ZNF875: variants seen among roughly 807,000 people sequenced by gnomAD.
ZNF875 encodes HKR1, GLI-Kruppel zinc finger family member.
ZNF875 carries 14 observed loss-of-function variants against 11.2 expected under a neutral mutation model. The observed-to-expected ratio is 1.26, with a 90% confidence interval of 0.83 to 1.96. ZNF875 has a LOEUF of 1.96. ZNF875 is among the 30% of genes most tolerant of loss of function. The probability of loss-of-function intolerance (pLI) is 0.00; values close to 1 mark genes in which losing one functional copy is unlikely to be tolerated. For missense variants in ZNF875, 752 were observed against 760.4 expected (o/e 0.99, Z 0.13); for synonymous variants, 301 against 281.1 (o/e 1.07, Z -0.71).
At chr19:37,361,846 G>A (rs555465928) in intron 4 of ZNF875, 27 of 378,010 alleles carry the variant, frequency 7.1e-5, no homozygotes, top group African/African-American at 4.6e-4. Flanking sequence ...GAACCCTGGA[G>A]GCGGAGGTTG....
At chr19:37,359,524 C>T (rs755677430) in intron 4 of ZNF875, 4 of 258,782 alleles carry the variant, frequency 1.5e-5, no homozygotes, top group African/African-American at 7.0e-5. Context: ...CTGCCTCAGC[C>T]TCCTGAGTAG....
intron 2 of ZNF875, among the ~76,000 whole-genome samples, chr19:37,336,037 A>G (rs966741999): frequency 5.9e-5 from 9 of 152,206 alleles, no homozygotes; most frequent in Non-Finnish European, 1.2e-4. Context: ...AGCAGTTTAA[A>G]TAAAAGTAAA....
At chr19:37,335,025 C>A (rs1418693201) in intron 1 of ZNF875, 144 bp from the exon 2 acceptor site, 7 of 560,792 alleles carry the variant, frequency 1.2e-5, no homozygotes, top group Non-Finnish European at 1.9e-5. Flanking sequence ...GTCATCCTGG[C>A]CCCCCACTGG....
intron 4 of ZNF875, chr19:37,328,936 C>G (rs1372147949): frequency 6.6e-6 from 1 of 152,158 alleles, no homozygotes. Flanking sequence ...TAGTGTGGTC[C>G]TTGGACCAAT....
chr19:37,357,458 A>G (rs1030069520), intron 4 of ZNF875, among the ~76,000 whole-genome samples: 1 of 152,208 alleles, frequency 6.6e-6, no homozygotes, highest in East Asian at 1.9e-4. Context: ...ATTCTTAACA[A>G]TCTATGAGCA....
At chr19:37,355,008 TATGTTATTATATAA>T (rs2038648413) in intron 4 of ZNF875, among the ~76,000 whole-genome samples, 1 of 152,210 alleles carries the variant, frequency 6.6e-6, no homozygotes, top group Admixed American at 6.5e-5. Context: ...ATATGGCATA[TATGTTATTATATAA>T]ATGGCATCAT....
In ZNF875 at chr19:37,362,742, T is replaced by C; in HGVS notation, c.890T>C (p.Leu297Pro). ...CGRGFTWKSN[L>P]ITHQRTHSGE... Reference sequence around the variant, plus strand: ...CGAGGCTTTACGTGGAAGTCAAACCTGATCACACATCAGAGGACACACTCA... The same window carrying C: ...CGAGGCTTTACGTGGAAGTCAAACCCGATCACACATCAGAGGACACACTCA... The change falls in exon 5 of 5, where the codon CTG (leucine) becomes CCG (proline). Residue 297 changes from leucine to proline, a missense_variant. Physicochemically the swap from Leu to Pro is moderately conservative, Grantham distance 98. Transcript: ENST00000392153. 1.2e-6 allele frequency: 2 copies of C among 1,613,768 alleles called. No individual in the cohort carries two copies. The highest frequency in any genetic ancestry group is 1.7e-6 in the Non-Finnish European group (2 of 1,179,782).
intron 4 of ZNF875, chr19:37,359,428 G>C: frequency 4.4e-6 from 1 of 227,872 alleles, no homozygotes; most frequent in Non-Finnish European, 8.9e-6. Flanking sequence ...TTTTTTAGAT[G>C]GAGCCTTGCT....
chr19:37,345,040 T>C (rs1241612846), intron 2 of ZNF875: 1 of 362,140 alleles, frequency 2.8e-6, no homozygotes, highest in African/African-American at 2.1e-5. Flanking sequence ...CTCCTTCTCA[T>C]GAACTTTTCC....
intron 3 of ZNF875, chr19:37,323,713 A>T (rs2031922861): frequency 6.6e-6 from 1 of 152,156 alleles, no homozygotes; most frequent in Non-Finnish European, 1.5e-5. Context: ...GGCCCCTGAG[A>T]AATCAGGGGA....
At chr19:37,331,262 T>C (rs1335441362), upstream of ZNF875, among the ~76,000 whole-genome samples, 1 of 128,934 alleles carries the variant, frequency 7.8e-6, no homozygotes, top group Middle Eastern at 3.8e-3. Context: ...AGAGTCTCGC[T>C]CTTGTTGCCA....
intron 2 of ZNF875, among the ~76,000 whole-genome samples, chr19:37,335,859 T>G (rs1320985211): frequency 6.6e-6 from 1 of 152,158 alleles, no homozygotes; most frequent in African/African-American, 2.4e-5. Context: ...CACAATCCCT[T>G]TGGTCTTTTC....
rs1301273993 is a variant in ZNF875, at chr19:37,362,743, G to C, written c.891G>C (p.Leu297=). 1 of 1,613,278 alleles carries C rather than the reference G, an allele frequency of 6.2e-7. No homozygotes were observed. The highest frequency in any genetic ancestry group is 1.3e-5 in the African/African-American group (1 of 74,870). Residue 297 remains leucine (L), a synonymous_variant, in exon 5 of 5, where the codon CTG becomes CTC. Transcript: ENST00000392153. ...GAGGCTTTACGTGGAAGTCAAACCT[G>C]ATCACACATCAGAGGACACACTCAG... The part of the protein sequence containing the change: ...CGRGFTWKSN[L]ITHQRTHSGE...
intron 2 of ZNF875, among the ~76,000 whole-genome samples, chr19:37,336,394 G>T (rs1203777870): frequency 6.7e-6 from 1 of 150,036 alleles, no homozygotes; most frequent in African/African-American, 2.4e-5. Context: ...CTGCCTCCCA[G>T]GTTCACACCA....
chr19:37,350,500 A>G (rs892036127), intron 4 of ZNF875, among the ~76,000 whole-genome samples: 18 of 152,300 alleles, frequency 1.2e-4, no homozygotes, highest in African/African-American at 3.8e-4. Context: ...ATAATATCTT[A>G]TATAACCACA....
chr19:37,358,943 C>T (rs950101539), intron 4 of ZNF875, among the ~76,000 whole-genome samples: 15 of 151,034 alleles, frequency 9.9e-5, no homozygotes, highest in Admixed American at 9.2e-4. Flanking sequence ...TGTTGTAGCC[C>T]ATGCTGGAGT....
At chr19:37,329,639 C>T (rs559822416) in intron 4 of ZNF875, among the ~76,000 whole-genome samples, 35 of 152,286 alleles carry the variant, frequency 2.3e-4, no homozygotes, top group Non-Finnish European at 4.3e-4. Flanking sequence ...TAGCACATTC[C>T]TCTACCTTAT....
chr19:37,330,195 T>A (rs570934791), upstream of ZNF875, among the ~76,000 whole-genome samples: 11 of 152,352 alleles, frequency 7.2e-5, no homozygotes, highest in Admixed American at 4.6e-4. Flanking sequence ...TTATGATTTT[T>A]CCATACAGTG....
In ZNF875 at chr19:37,347,774, C is replaced by T; in HGVS notation, c.161-3C>T. On this transcript the variant is annotated splice_region_variant and splice_polypyrimidine_tract_variant and intron_variant, in intron 3 of 4. Coordinates refer to ENST00000392153, the MANE Select transcript of ZNF875 (RefSeq NM_001353803.2). The stretch of plus-strand genomic sequence containing the variant: ...ATGTCCTCATTTTCTTCCCTATGAA[C>T]AGAAATTCCATCTTCTAAACCAAAA... 1.2e-5 allele frequency: 20 copies of T among 1,600,850 alleles called. No individual in the cohort carries two copies. Among genetic ancestry groups the T allele is most frequent in the Non-Finnish European group, 1.5e-5 (18 of 1,167,936 alleles).
Sources: gnomAD v4.1 joint callset for allele counts (sites outside exome capture counted in the v4.1 genomes callset) on GRCh38, gnomAD v4.1.1 for gene constraint, MANE v1.5 for transcripts, NCBI Gene and HGNC (gene_info 2026-07-23, HGNC 2026-07-21) for gene names.